TGFBRAP1: variants seen among roughly 807,000 people sequenced by gnomAD.
The protein encoded by TGFBRAP1 is transforming growth factor beta receptor associated protein 1, also known as transforming growth factor-beta receptor-associated protein 1.
TGFBRAP1 carries 20 observed loss-of-function variants against 83.2 expected under a neutral mutation model. The ratio of observed to expected loss-of-function variants is 0.24; its 90% CI spans 0.17 to 0.35. The LOEUF (loss-of-function observed/expected upper bound fraction) is 0.35. TGFBRAP1 is among the 10% of genes least tolerant of loss of function. TGFBRAP1 has a pLI of 1.00. For synonymous variants in TGFBRAP1, 415 were observed against 459.8 expected (o/e 0.90, Z 1.25); for missense variants, 950 against 1,099.4 (o/e 0.86, Z 1.92).
At chr2:105,321,180 T>A (rs1339664883) in intron 1 of TGFBRAP1, among the ~76,000 whole-genome samples, 2 of 151,666 alleles carry the variant, frequency 1.3e-5, no homozygotes, top group African/African-American at 2.4e-5. Flanking sequence ...TTTTTTTTTT[T>A]TTGAGATGGA....
At position 105,269,241 on chromosome 2, in the gene TGFBRAP1, C is replaced by A. The variant is rs748375456; in HGVS notation, c.2406+31G>T. ...TACCTTCAGTACAATGTTGACTGAC[C>A]AGGAAGCAGCTCGTGGGGGCCAGCA... On this transcript the variant is annotated intron_variant, in intron 11 of 11. Transcript: ENST00000393359. The surrounding 1 kb of genome is among the most constrained non-coding windows in gnomAD (Gnocchi z 4.1). 2 of 1,551,386 alleles carry A rather than the reference C, an allele frequency of 1.3e-6. No individual in the cohort carries two copies. The highest frequency in any genetic ancestry group is 2.4e-5 in the South Asian group (2 of 82,244).
Position 105,267,530 on chromosome 2 carries a change from G to C in TGFBRAP1, c.2436C>G (p.Leu812=), listed in dbSNP as rs550034259. The C allele has an allele frequency of 3.7e-6, 6 of 1,614,216 alleles. No individual in the cohort carries two copies. Among genetic ancestry groups the C allele is most frequent in the South Asian group, 1.1e-5 (1 of 91,082 alleles). ...ATATCTGACAAAGCTTTTTGTCTGA[G>C]AGTTGGATTGAGCTTCCTTTCAACT... is the stretch of plus-strand genomic sequence containing the variant. ...KMKLKGSSIQ[L]SDKKLCQICQ... is the part of the protein sequence containing the mutation. The change falls in exon 12 of 12, where the codon CTC becomes CTG. Residue 812 remains leucine (L), a synonymous_variant. Coordinates refer to ENST00000393359, the MANE Select transcript of TGFBRAP1 (RefSeq NM_004257.6).
intron 4 of TGFBRAP1, among the ~76,000 whole-genome samples, chr2:105,288,650 A>G (rs2104353680): frequency 6.6e-6 from 1 of 152,356 alleles, no homozygotes; most frequent in Non-Finnish European, 1.5e-5. Context: ...CATGAGTGTT[A>G]CCATTTTAAC....
At chr2:105,284,426 T>C (rs934773602) in intron 4 of TGFBRAP1, 28 bp from the exon 5 acceptor site, 6 of 1,606,106 alleles carry the variant, frequency 3.7e-6, no homozygotes, top group Non-Finnish European at 5.1e-6. Context: ...TGTAATCTCT[T>C]AGTGAATCTT....
chr2:105,294,337 T>TGTGC (rs1553404604), intron 4 of TGFBRAP1, among the ~76,000 whole-genome samples: 20 of 149,278 alleles, frequency 1.3e-4, no homozygotes, highest in African/African-American at 4.9e-4. Context: ...TGTGTGTGTG[T>TGTGC]AAAAGACAAG....
At chr2:105,327,951 T>C (rs1679270394) in intron 1 of TGFBRAP1, among the ~76,000 whole-genome samples, 1 of 152,224 alleles carries the variant, frequency 6.6e-6, no homozygotes, top group South Asian at 2.1e-4. Flanking sequence ...GAGTAAATCA[T>C]TTGTTAGGTT....
At chr2:105,286,965 A>C (rs558660254) in intron 4 of TGFBRAP1, among the ~76,000 whole-genome samples, 1 of 152,292 alleles carries the variant, frequency 6.6e-6, no homozygotes, top group Admixed American at 6.5e-5. Context: ...GCTCTTTACT[A>C]TGCACTGCCT....
chr2:105,271,078 C>T (rs1335364592), intron 10 of TGFBRAP1, among the ~76,000 whole-genome samples: 2 of 152,222 alleles, frequency 1.3e-5, no homozygotes, highest in Non-Finnish European at 2.9e-5. Context: ...AGGCTTATAC[C>T]TAATGACTGC....
chr2:105,310,939 G>A (rs1250703966), intron 1 of TGFBRAP1, among the ~76,000 whole-genome samples: 3 of 152,040 alleles, frequency 2.0e-5, no homozygotes, highest in African/African-American at 7.2e-5. Flanking sequence ...AAGGAATAGA[G>A]AAACAAACTC....
At chr2:105,280,107 T>G (rs1677481850) in intron 6 of TGFBRAP1, among the ~76,000 whole-genome samples, 1 of 151,610 alleles carries the variant, frequency 6.6e-6, no homozygotes, top group Admixed American at 6.6e-5. Flanking sequence ...AGCATATTAC[T>G]AGTTCCAAAC....
downstream of TGFBRAP1, among the ~76,000 whole-genome samples, chr2:105,261,519 A>T (rs1325587386): frequency 4.6e-5 from 7 of 152,214 alleles, no homozygotes; most frequent in Non-Finnish European, 4.4e-5. Flanking sequence ...TGGGAGGCCG[A>T]GGTAGGAGGA....
At chr2:105,279,431 C>T (rs989999276) in intron 6 of TGFBRAP1, among the ~76,000 whole-genome samples, 1 of 152,060 alleles carries the variant, frequency 6.6e-6, no homozygotes, top group African/African-American at 2.4e-5. Flanking sequence ...CTAATTTCTT[C>T]TTAATTTTTA....
At chr2:105,250,050 T>C in the TGFBRAP1 span, among the ~76,000 whole-genome samples, 2 of 152,146 alleles carry the variant, frequency 1.3e-5, no homozygotes, top group African/African-American at 4.8e-5. Context: ...CTCTTGCCCC[T>C]TCATCTGGGA....
chr2:105,258,060 G>A, the TGFBRAP1 span, among the ~76,000 whole-genome samples: 2 of 152,336 alleles, frequency 1.3e-5, no homozygotes, highest in Admixed American at 1.3e-4. Flanking sequence ...TTCTTGATGA[G>A]TCCCTCAGTC....
In TGFBRAP1 at chr2:105,298,659, G is replaced by C. The variant is rs1678172757; in HGVS notation, c.735C>G (p.His245Gln). ...VAGISQRAPV[H>Q]WSENVIGAAV... ...CCGCCCCAATCACATTCTCCGACCA[G>C]TGCACGGGGGCGCGCTGGGATATCC... The change falls in exon 3 of 12, where the codon CAC (histidine) becomes CAG (glutamine). Residue 245 changes from histidine to glutamine, a missense_variant. Coordinates refer to ENST00000393359, the MANE Select transcript of TGFBRAP1 (RefSeq NM_004257.6). 4 of 1,608,974 alleles carry C rather than the reference G, an allele frequency of 2.5e-6. No individual in the cohort carries two copies. The highest frequency in any genetic ancestry group is 3.4e-6 in the Non-Finnish European group (4 of 1,176,454).
chr2:105,278,117 TCAA>T (rs1320749498), intron 6 of TGFBRAP1, among the ~76,000 whole-genome samples: 4 of 146,316 alleles, frequency 2.7e-5, no homozygotes, highest in African/African-American at 5.1e-5. Context: ...TGTGTGTAGT[TCAA>T]CAACAACAAA....
At position 105,272,894 on chromosome 2, in the gene TGFBRAP1, G is replaced by A. The variant is rs755611886; in HGVS notation, c.1933C>T (p.Leu645Phe). Reference protein sequence around the residue: ...TETQAKLRRLLQKSDLYRVHF... With the variant: ...TETQAKLRRLFQKSDLYRVHF... The stretch of plus-strand genomic sequence containing the variant: ...ACTCGGTATAAATCAGATTTCTGGA[G>A]CAGCCGCCGCAGCTTGGCCTGCGTC... The change falls in exon 10 of 12, where the codon CTC (leucine) becomes TTC (phenylalanine). Residue 645 changes from leucine to phenylalanine, a missense_variant. By Grantham distance (22) the Leu-to-Phe change is conservative (BLOSUM62 0). Transcript: ENST00000393359. 2.9e-5 allele frequency: 46 copies of A among 1,609,320 alleles called. No homozygotes were observed. Among genetic ancestry groups the A allele is most frequent in the Non-Finnish European group, 3.6e-5 (43 of 1,179,858 alleles).
downstream of TGFBRAP1, among the ~76,000 whole-genome samples, chr2:105,260,571 G>C (rs1676766299): frequency 6.6e-6 from 1 of 152,184 alleles, no homozygotes; most frequent in African/African-American, 2.4e-5. Flanking sequence ...AAGTAGAATG[G>C]TGGGTGTCAG....
intron 1 of TGFBRAP1, among the ~76,000 whole-genome samples, chr2:105,321,202 T>G (rs1164355613): frequency 1.3e-5 from 2 of 152,150 alleles, no homozygotes; most frequent in Non-Finnish European, 2.9e-5. Flanking sequence ...TCTCTTGCTT[T>G]GTTGCCCAGG....
Sources: allele counts gnomAD v4.1 joint callset (sites outside exome capture counted in the v4.1 genomes callset), GRCh38; gene constraint gnomAD v4.1.1; non-coding constraint Gnocchi (gnomAD v3.1); transcripts MANE v1.5; gene names NCBI Gene and HGNC (gene_info 2026-07-23, HGNC 2026-07-21).